Variants in SHROOM3 observed in about 807,000 individuals in gnomAD.
SHROOM3 encodes shroom family member 3.
SHROOM3 carries 47 observed loss-of-function variants against 138.6 expected under a neutral mutation model. The observed-to-expected ratio is 0.34, with a 90% CI of 0.27 to 0.43. The LOEUF is 0.43. SHROOM3 is among the 20% of genes least tolerant of loss of function. The probability of loss-of-function intolerance (pLI) is 1.00; values close to 1 mark genes in which losing one functional copy is unlikely to be tolerated. For synonymous variants in SHROOM3, 1,062 were observed against 1,063.3 expected (o/e 1.00, Z 0.02); for missense variants, 2,491 against 2,596.5 (o/e 0.96, Z 0.88).
At chr4:76,545,420 T>C (rs1733193618) in intron 1 of SHROOM3, among the ~76,000 whole-genome samples, 1 of 152,188 alleles carries the variant, frequency 6.6e-6, no homozygotes, top group African/African-American at 2.4e-5. Flanking sequence ...ATTTGGATGG[T>C]CCATAGGGTG....
chr4:76,625,940 T>C (rs1425763024), intron 2 of SHROOM3, among the ~76,000 whole-genome samples: 1 of 152,236 alleles, frequency 6.6e-6, no homozygotes, highest in Non-Finnish European at 1.5e-5. Flanking sequence ...AGCACATATT[T>C]GTTGAAGGCT....
chr4:76,736,097 T>C (rs1438198024), intron 4 of SHROOM3, among the ~76,000 whole-genome samples: 2 of 149,096 alleles, frequency 1.3e-5, no homozygotes, highest in Non-Finnish European at 3.0e-5. Context: ...GAAACGGCCC[T>C]TATGGGGTTC....
In SHROOM3 at chr4:76,741,139, C is replaced by A; in HGVS notation, c.2966C>A (p.Thr989Asn). Residue 989 changes from threonine (T) to asparagine (N), a missense_variant, in exon 5 of 11, where the codon ACC (threonine) becomes AAC (asparagine). Thr to Asn is a moderately conservative substitution (Grantham distance 65). This residue lies in a region of SHROOM3 where 1,733 missense variants were observed against 1,661.6 expected (regional missense o/e 1.04). Transcript: ENST00000296043. This position sits in a 1 kb window ranked among gnomAD's most constrained non-coding sequence, Gnocchi z 6.2. ...PHTPRERHSV[T>N]PAEGDLARPV... ...ACGCCCCGGGAGCGGCACAGCGTGA[C>A]CCCTGCTGAGGGCGACCTGGCCAGG... 6.4e-7 allele frequency: 1 copy of A among 1,561,254 alleles called. No individual in the cohort carries two copies. Among genetic ancestry groups the A allele is most frequent in the Non-Finnish European group, 8.7e-7 (1 of 1,154,004 alleles).
intron 2 of SHROOM3, among the ~76,000 whole-genome samples, chr4:76,696,944 G>T (rs1451209198): frequency 2.6e-5 from 4 of 152,094 alleles, no homozygotes; most frequent in Non-Finnish European, 5.9e-5. Flanking sequence ...AAGAGACAGG[G>T]TCTTGTTCTG....
chr4:76,553,537 A>C (rs1733412602), intron 1 of SHROOM3, among the ~76,000 whole-genome samples: 1 of 151,976 alleles, frequency 6.6e-6, no homozygotes, highest in African/African-American at 2.4e-5. Context: ...CGGCCTCCCA[A>C]AGTGCTAGGA....
chr4:76,602,031 C>T lies in SHROOM3; in HGVS notation c.323+46268C>T, dbSNP rs142523880. ...TGTGGTGATAAAGAGAGCAGAAGAA[C>T]GAAGTTGGTTGAGGAAATGCCTTCA... On this transcript the variant is annotated intron_variant, in intron 2 of 10. Coordinates refer to ENST00000296043, the MANE Select transcript of SHROOM3 (RefSeq NM_020859.4). 3.9e-5 allele frequency among the ~76,000 whole-genome samples: 6 copies of T among 152,260 alleles called. No homozygotes were observed. In the East Asian group the frequency reaches 5.8e-4, roughly 15 times the overall value.
chr4:76,667,671 T>A (rs1718734508), intron 2 of SHROOM3, among the ~76,000 whole-genome samples: 2 of 151,714 alleles, frequency 1.3e-5, no homozygotes, highest in African/African-American at 2.4e-5. Context: ...AAATAGAAGA[T>A]GTTATTAAAA....
intron 1 of SHROOM3, among the ~76,000 whole-genome samples, chr4:76,515,105 C>T (rs561875937): frequency 1.3e-5 from 2 of 151,564 alleles, no homozygotes; most frequent in South Asian, 2.1e-4. Flanking sequence ...ATCCCAGCTA[C>T]TTGGGAGGCT....
At chr4:76,733,484 G>A (rs770357921) in intron 4 of SHROOM3, among the ~76,000 whole-genome samples, 18 of 152,330 alleles carry the variant, frequency 1.2e-4, no homozygotes, top group Admixed American at 6.5e-4. Context: ...TGTTACAGGC[G>A]TGTGCATTCT....
intron 2 of SHROOM3, among the ~76,000 whole-genome samples, chr4:76,612,927 A>T (rs145260639): frequency 5.3e-5 from 8 of 152,310 alleles, no homozygotes; most frequent in Non-Finnish European, 1.2e-4. Context: ...GGGGGACAGA[A>T]CAAGACCCTG....
rs35934138 is a variant in SHROOM3 at position 76,765,351 on chromosome 4, C to CA, written c.5350-5258dup. Among the ~76,000 whole-genome samples, 405 of 79,868 alleles carry CA rather than the reference C, an allele frequency of 5.1e-3. 1 individual carries two copies. The highest frequency in any genetic ancestry group is 0.017 in the South Asian group (43 of 2,476). 52.4% of individuals were successfully genotyped at this position (79,868 alleles called of 152,430 possible). A position where few individuals can be genotyped will look rare whatever the true frequency, so the allele number is the denominator to read the frequency against. On this transcript the variant is annotated intron_variant, in intron 9 of 10. Coordinates refer to ENST00000296043, the MANE Select transcript of SHROOM3 (RefSeq NM_020859.4). ...CCAACATGGTGAAACCCCATCTCTA[C>CA]AAAAAAAAAAAAAAAAATTAGCCAA...
chr4:76,658,920 C>CT (rs1413520399), intron 2 of SHROOM3, among the ~76,000 whole-genome samples: 2 of 151,842 alleles, frequency 1.3e-5, no homozygotes, highest in East Asian at 3.9e-4. Flanking sequence ...CATAGTAAAT[C>CT]TTTTTTTGGA....
Position 76,749,312 on chromosome 4 carries a change from T to G in SHROOM3, c.3827+222T>G, listed in dbSNP as rs557930646. Among the ~76,000 whole-genome samples, 5 of 152,364 alleles carry G rather than the reference T, an allele frequency of 3.3e-5. No individual in the cohort carries two copies. In the South Asian group the frequency reaches 6.2e-4, roughly 19 times the overall value. ...CAGGTTTGTTACATATGTATACATG[T>G]GCCATGTTGGTGTGCTGCACCCATT... On this transcript the variant is annotated intron_variant, in intron 6 of 10. Coordinates refer to ENST00000296043, the MANE Select transcript of SHROOM3 (RefSeq NM_020859.4).
intron 2 of SHROOM3, chr4:76,688,329 G>T (rs1459362137): frequency 2.1e-5 from 20 of 933,938 alleles, no homozygotes; most frequent in Non-Finnish European, 2.6e-5. Flanking sequence ...GGCTGCTAAT[G>T]CTCCTGCATT....
intron 1 of SHROOM3, among the ~76,000 whole-genome samples, chr4:76,555,372 C>T (rs935842478): frequency 6.6e-6 from 1 of 152,068 alleles, no homozygotes; most frequent in Admixed American, 6.6e-5. Flanking sequence ...GTCGTTCATT[C>T]AGCTGATGTT....
chr4:76,531,923 T>A (rs1017247702), intron 1 of SHROOM3, among the ~76,000 whole-genome samples: 5 of 136,626 alleles, frequency 3.7e-5, no homozygotes, highest in Non-Finnish European at 6.3e-5. Flanking sequence ...TTTTTTTTTT[T>A]ATACTTTAAG....
At chr4:76,470,602 T>A (rs976744371) in intron 1 of SHROOM3, among the ~76,000 whole-genome samples, 1 of 152,116 alleles carries the variant, frequency 6.6e-6, no homozygotes, top group Non-Finnish European at 1.5e-5. Flanking sequence ...TACAAAACAG[T>A]CTCTGGAACA....
At chr4:76,763,620 G>A (rs535442240) in intron 9 of SHROOM3, among the ~76,000 whole-genome samples, 4 of 152,236 alleles carry the variant, frequency 2.6e-5, no homozygotes, top group Admixed American at 6.5e-5. Flanking sequence ...GCCACAAACA[G>A]TGGGAGATGA....
chr4:76,440,004 A>G (rs1730636280), intron 1 of SHROOM3, among the ~76,000 whole-genome samples: 1 of 152,230 alleles, frequency 6.6e-6, no homozygotes, highest in Non-Finnish European at 1.5e-5. Context: ...TCAATAGTCC[A>G]GGAAGTTGGT....
Sources: gnomAD v4.1 joint callset for allele counts (sites outside exome capture counted in the v4.1 genomes callset) on GRCh38, gnomAD v4.1.1 for gene constraint, gnomAD v4.1.1 regional missense constraint, Gnocchi (gnomAD v3.1) non-coding constraint, MANE v1.5 for transcripts, NCBI Gene and HGNC (gene_info 2026-07-23, HGNC 2026-07-21) for gene names.